The following APP variants were observed in gnomAD, a reference collection of about 807,000 sequenced individuals.
The protein encoded by APP is amyloid beta precursor protein, also known as amyloid-beta precursor protein.
APP carries 31 observed loss-of-function variants against 101.4 expected under a neutral mutation model. The observed-to-expected ratio is 0.31, with a 90% CI of 0.23 to 0.41. The LOEUF (loss-of-function observed/expected upper bound fraction) is 0.41, where lower values mean the gene tolerates loss of function less well. Among genes scored for constraint, APP ranks in the 10% least tolerant of loss-of-function variants. The pLI is 1.00. For synonymous variants in APP, 366 were observed against 364.4 expected, an observed-to-expected ratio of 1.00 and a Z score of -0.05; for missense variants, 839 against 1,003.7, an observed-to-expected ratio of 0.84 and a Z score of 2.22.
At chr21:26,115,332 G>A (rs1365282442) in intron 1 of APP, among the ~76,000 whole-genome samples, 1 of 150,158 alleles carries the variant, frequency 6.7e-6, no homozygotes, top group Non-Finnish European at 1.5e-5. Flanking sequence ...TTTTCCCCCC[G>A]AACCAACACC....
intron 6 of APP, among the ~76,000 whole-genome samples, chr21:26,018,195 A>G (rs2044186696): frequency 1.3e-5 from 2 of 152,168 alleles, no homozygotes; most frequent in African/African-American, 2.4e-5. Context: ...TGAGTTTTTT[A>G]TGAAGCACAT....
At chr21:25,936,271 G>C (rs1324245908) in intron 13 of APP, among the ~76,000 whole-genome samples, 1 of 3,244 alleles carries the variant, frequency 3.1e-4, no homozygotes, top group South Asian at 0.026. Context: ...AGAAAAGGAG[G>C]AGGCCGGGTG....
chr21:26,148,396 T>C (rs2186302), intron 1 of APP, among the ~76,000 whole-genome samples: 56,234 of 152,004 alleles, frequency 0.37, 11,253 homozygotes, highest in African/African-American at 0.54. Context: ...CCAACATTCT[T>C]GAGATTCCTT....
Position 26,105,474 on chromosome 21 carries a change from G to A in APP, c.225+6505C>T, listed in dbSNP as rs762496735. The stretch of plus-strand genomic sequence containing the variant: ...TTGTGAGAGTATTCTTTTCCTTGCC[G>A]TTCCTAGCAATGAATCCATCAATAC... On this transcript the variant is annotated intron_variant, in intron 2 of 17. Transcript: ENST00000346798. 9.5e-4 allele frequency among the ~76,000 whole-genome samples: 144 copies of A among 151,830 alleles called. 2 individuals carry two copies. The highest frequency in any genetic ancestry group is 2.6e-4 in the Non-Finnish European group (18 of 67,978).
intron 5 of APP, among the ~76,000 whole-genome samples, chr21:26,047,843 T>C (rs947947496): frequency 1.3e-5 from 2 of 152,170 alleles, no homozygotes; most frequent in African/African-American, 4.8e-5. Context: ...TGCTGTTAAA[T>C]GTTAAAAGAA....
chr21:26,018,248 T>C (rs940553400), intron 6 of APP, among the ~76,000 whole-genome samples: 1 of 152,220 alleles, frequency 6.6e-6, no homozygotes, highest in Non-Finnish European at 1.5e-5. Context: ...ATGATGACAA[T>C]TTTCTTAGAA....
intron 17 of APP, among the ~76,000 whole-genome samples, chr21:25,888,131 G>A (rs2037460731): frequency 6.6e-6 from 1 of 152,134 alleles, no homozygotes; most frequent in South Asian, 2.1e-4. Flanking sequence ...AGTCCAACTG[G>A]AAATATTGAT....
chr21:26,122,146 C>G (rs2062587804), intron 1 of APP, among the ~76,000 whole-genome samples: 1 of 152,334 alleles, frequency 6.6e-6, no homozygotes, highest in African/African-American at 2.4e-5. Flanking sequence ...TTTTCCTATA[C>G]AGTTTCTACC....
At position 26,136,139 on chromosome 21, in the gene APP, A is replaced by AAAAAAG. The variant is rs1555882124; in HGVS notation, c.58-23994_58-23993insCTTTTT. Among the ~76,000 whole-genome samples the AAAAAAG allele has an allele frequency of 6.3e-4, 47 of 74,818 alleles. 4 individuals carry two copies. Among genetic ancestry groups the AAAAAAG allele is most frequent in the African/African-American group, 3.0e-3 (25 of 8,214 alleles). The allele number at this position is 74,818 out of a possible 152,430, so 49.1% of individuals were successfully genotyped here. On this transcript the variant is annotated intron_variant, in intron 1 of 17. Coordinates refer to ENST00000346798, the MANE Select transcript of APP (RefSeq NM_000484.4). ...GAGTGAGACTCTGTCTCAAAAAAGA[A>AAAAAAG]AAAAGAAAAGAAAAGAAAAGAAAAG...
At chr21:26,113,292 T>C (rs2062368342) in intron 1 of APP, among the ~76,000 whole-genome samples, 1 of 152,202 alleles carries the variant, frequency 6.6e-6, no homozygotes, top group South Asian at 2.1e-4. Context: ...TCCTAAAAAC[T>C]GTCCACAGGA....
intron 3 of APP, among the ~76,000 whole-genome samples, chr21:26,077,775 GAAAAAAAAAA>G (rs796489181): frequency 1.2e-5 from 1 of 86,956 alleles, no homozygotes; most frequent in East Asian, 3.7e-4. Flanking sequence ...ACAGGAGAAG[GAAAAAAAAAA>G]AAAAAAAAAG....
At chr21:26,064,124 T>C (rs773517701) in intron 3 of APP, among the ~76,000 whole-genome samples, 7 of 152,132 alleles carry the variant, frequency 4.6e-5, no homozygotes, top group Non-Finnish European at 8.8e-5. Context: ...AAAGAAACTG[T>C]CATAGCCAAG....
rs568368711 is a variant in APP, at chr21:26,021,721, G to GA, written c.865+118dup. ...TTTCACAAGCATAAGAAGCCTTTTG[G>GA]AAAAAAAAACATGTTTTTGATTGGG... On this transcript the variant is annotated intron_variant, in intron 6 of 17. Coordinates refer to ENST00000346798, the MANE Select transcript of APP (RefSeq NM_000484.4). 3.6e-3 allele frequency: 4,833 copies of GA among 1,359,474 alleles called. 8 individuals are homozygous for GA. The highest frequency in any genetic ancestry group is 8.5e-3 in the Middle Eastern group (32 of 3,744). 84.2% of individuals were successfully genotyped at this position (1,359,474 alleles called of 1,614,324 possible). A position where few individuals can be genotyped will look rare whatever the true frequency, so the allele number is the denominator to read the frequency against.
At chr21:26,017,153 C>T (rs903786162) in intron 6 of APP, among the ~76,000 whole-genome samples, 25 of 138,216 alleles carry the variant, frequency 1.8e-4, no homozygotes, top group Non-Finnish European at 3.2e-4. Context: ...GAGCCAAGAT[C>T]GCACCACTAC....
At chr21:25,904,343 T>C (rs1158426230) in intron 15 of APP, among the ~76,000 whole-genome samples, 2 of 152,328 alleles carry the variant, frequency 1.3e-5, no homozygotes, top group East Asian at 1.9e-4. Context: ...TTAATGTTTG[T>C]GAAACTGTAA....
At chr21:26,153,691 A>G (rs2146351011) in intron 1 of APP, among the ~76,000 whole-genome samples, 1 of 152,336 alleles carries the variant, frequency 6.6e-6, no homozygotes, top group South Asian at 2.1e-4. Context: ...GCAAACTTCA[A>G]TCGTTTTCAT....
chr21:25,982,236 A>G (rs1196918173), intron 9 of APP, 108 bp downstream of exon 9: 2 of 1,252,338 alleles, frequency 1.6e-6, no homozygotes, highest in East Asian at 2.3e-5. Flanking sequence ...AGAACTTTAC[A>G]TCTTTAAAGA....
At chr21:26,158,993 C>T (rs190703107) in intron 1 of APP, among the ~76,000 whole-genome samples, 24 of 152,326 alleles carry the variant, frequency 1.6e-4, no homozygotes, top group Non-Finnish European at 3.4e-4. Context: ...TCTAGATCTC[C>T]TGTCATAACT....
chr21:25,911,692 G>A lies in APP; in HGVS notation c.1909+49C>T, dbSNP rs202052062. 310 of 1,517,252 alleles carry A rather than the reference G, an allele frequency of 2.0e-4. 2 individuals are homozygous for A. The highest frequency in any genetic ancestry group is 2.7e-4 in the Non-Finnish European group (294 of 1,096,294). The allele number at this position is 1,517,252 out of a possible 1,614,324, so 94.0% of individuals were successfully genotyped here. Reference sequence around the variant, plus strand: ...TCTCTCTTGCACACACGTTATGTATGTGTATATATACCTCCCAGAACGCCC... The same window carrying A: ...TCTCTCTTGCACACACGTTATGTATATGTATATATACCTCCCAGAACGCCC... On this transcript the variant is annotated intron_variant, in intron 14 of 17. Coordinates refer to ENST00000346798, the MANE Select transcript of APP (RefSeq NM_000484.4).
Sources: allele counts gnomAD v4.1 joint callset (sites outside exome capture counted in the v4.1 genomes callset), GRCh38; gene constraint gnomAD v4.1.1; transcripts MANE v1.5; gene names NCBI Gene and HGNC (gene_info 2026-07-23, HGNC 2026-07-21).